Variants in EPOR observed in about 807,000 individuals in gnomAD.
EPOR encodes the protein erythropoietin receptor.
Under a neutral mutation model 34.3 loss-of-function variants are expected in EPOR, and 20 were observed. The ratio of observed to expected loss-of-function variants is 0.58; its 90% CI spans 0.41 to 0.85. EPOR has a LOEUF of 0.85. Ranked by LOEUF, EPOR falls within the 40% of genes least tolerant of loss-of-function variation. The pLI is 0.00. For synonymous variants in EPOR, 312 were observed against 299.0 expected, an observed-to-expected ratio of 1.04 and a Z score of -0.45; for missense variants, 601 against 672.7, an observed-to-expected ratio of 0.89 and a Z score of 1.18.
In EPOR at chr19:11,382,832, G is replaced by A. The variant is rs1378384930; in HGVS notation, c.251+265C>T. 8 of 1,459,310 alleles carry A rather than the reference G, an allele frequency of 5.5e-6. No individual in the cohort carries two copies. In the South Asian group the frequency reaches 6.2e-5, roughly 11 times the overall value. 90.4% of individuals were successfully genotyped at this position (1,459,310 alleles called of 1,614,324 possible). A position where few individuals can be genotyped will look rare whatever the true frequency, so the allele number is the denominator to read the frequency against. ...CTCGAGAAGGCGTCCCAGCCCCGAC[G>A]TAGTAACGCCTTACCCTCGATTTGG... On this transcript the variant is annotated intron_variant, in intron 2 of 7. Transcript: ENST00000222139.
Position 11,383,552 on chromosome 19 carries a change from G to A in EPOR, c.116-320C>T. 1 of 311,370 alleles carries A rather than the reference G, an allele frequency of 3.2e-6. No individual in the cohort carries two copies. The highest frequency in any genetic ancestry group is 4.8e-5 in the South Asian group (1 of 20,978). 19.3% of individuals were successfully genotyped at this position (311,370 alleles called of 1,614,324 possible). On this transcript the variant is annotated intron_variant, in intron 1 of 7. Coordinates refer to ENST00000222139, the MANE Select transcript of EPOR (RefSeq NM_000121.4). This position sits in a 1 kb window ranked among gnomAD's most constrained non-coding sequence, Gnocchi z 4.9. ...CGCCCCAGCCTAGGACACGCGCGCG[G>A]CTGGGGGTGTGTGCGGAGAGGCGGG...
intron 1 of EPOR, 41 bp downstream of exon 1, chr19:11,384,052 G>T: frequency 2.3e-6 from 3 of 1,332,198 alleles, no homozygotes; most frequent in Non-Finnish European, 3.2e-6. Flanking sequence ...GCATGGTCCT[G>T]CAGGCTCCAG....
At position 11,382,822 on chromosome 19, in the gene EPOR, C is replaced by T. The variant is rs935235225; in HGVS notation, c.251+275G>A. ...TGGATACTACCTCGAGAAGGCGTCC[C>T]AGCCCCGACGTAGTAACGCCTTACC... is the stretch of plus-strand genomic sequence containing the variant. On this transcript the variant is annotated intron_variant, in intron 2 of 7. Coordinates refer to ENST00000222139, the MANE Select transcript of EPOR (RefSeq NM_000121.4). 13 of 1,437,716 alleles carry T rather than the reference C, an allele frequency of 9.0e-6. No homozygotes were observed. The African/African-American group carries it at 1.8e-4, about 20-fold the overall frequency. 89.1% of individuals were successfully genotyped at this position (1,437,716 alleles called of 1,614,324 possible). A position where few individuals can be genotyped will look rare whatever the true frequency, so the allele number is the denominator to read the frequency against.
Position 11,380,868 on chromosome 19 carries a change from C to G in EPOR, c.827+16G>C. ...CGGGGAGGAGTCTGGGCCCAGCGCC[C>G]AAATGGGGAGCTCACCGGCGGTGGG... On this transcript the variant is annotated intron_variant, in intron 6 of 7. Transcript: ENST00000222139. The G allele has an allele frequency of 6.5e-7, 1 of 1,548,826 alleles. No homozygotes were observed.
At position 11,381,816 on chromosome 19, in the gene EPOR, C is replaced by A. The variant is rs749908751; in HGVS notation, c.461G>T (p.Arg154Leu). Residue 154 changes from arginine to leucine, a missense_variant, in exon 4 of 8, where the codon CGG becomes CTG. Transcript: ENST00000222139. This position sits in a 1 kb window ranked among gnomAD's most constrained non-coding sequence, Gnocchi z 5.3. The stretch of plus-strand genomic sequence containing the variant: ...TACGTGGCCGCTCTCGTCAGCCAAC[C>A]GCGCCACCAGCCCCACGGGGGCGTC... ...LLDAPVGLVA[R>L]LADESGHVVL... is the part of the protein sequence containing the mutation. The A allele has an allele frequency of 6.2e-7, 1 of 1,613,934 alleles. No individual in the cohort carries two copies. Among genetic ancestry groups the A allele is most frequent in the Non-Finnish European group, 8.5e-7 (1 of 1,179,896 alleles).
rs1388303224 is a variant in EPOR, at chr19:11,383,738, C to T, written c.115+355G>A. On this transcript the variant is annotated intron_variant, in intron 1 of 7. Coordinates refer to ENST00000222139, the MANE Select transcript of EPOR (RefSeq NM_000121.4). This position sits in a 1 kb window ranked among gnomAD's most constrained non-coding sequence, Gnocchi z 4.9. The stretch of plus-strand genomic sequence containing the variant: ...CCCTCTAACTCGGACCCGGGCTTTA[C>T]CCTCCCTCCCCTAGGGAGGGTCGGC... Among the ~76,000 whole-genome samples, 3 of 151,974 alleles carry T rather than the reference C, an allele frequency of 2.0e-5. No homozygotes were observed. Among genetic ancestry groups the T allele is most frequent in the Non-Finnish European group, 4.4e-5 (3 of 67,950 alleles).
chr19:11,381,828 C>T lies in EPOR; in HGVS notation c.449G>A (p.Gly150Glu). 6.2e-7 allele frequency: 1 copy of T among 1,614,004 alleles called. No homozygotes were observed. The highest frequency in any genetic ancestry group is 8.5e-7 in the Non-Finnish European group (1 of 1,179,930). ...CTCGTCAGCCAACCGCGCCACCAGCCCCACGGGGGCGTCTAGGAGCACTGC... is the reference window on the plus strand; with the variant it reads ...CTCGTCAGCCAACCGCGCCACCAGCTCCACGGGGGCGTCTAGGAGCACTGC... ...NEVVLLDAPVGLVARLADESG... is the reference protein window; with the variant it reads ...NEVVLLDAPVELVARLADESG... The change falls in exon 4 of 8, where the codon GGG becomes GAG. Residue 150 changes from glycine (G) to glutamate (E), a missense_variant. Coordinates refer to ENST00000222139, the MANE Select transcript of EPOR (RefSeq NM_000121.4). The surrounding 1 kb of genome is among the most constrained non-coding windows in gnomAD (Gnocchi z 5.3).
In EPOR at chr19:11,377,801, A is replaced by G; in HGVS notation, c.*183T>C. The G allele has an allele frequency of 1.3e-6, 1 of 775,648 alleles. No individual in the cohort carries two copies. The highest frequency in any genetic ancestry group is 1.7e-5 in the African/African-American group (1 of 58,764). 48.0% of individuals were successfully genotyped at this position (775,648 alleles called of 1,614,324 possible). ...TGTATATATATATATAGATACAAAA[A>G]AAAACTATACATATTTAAAAATACT... is the stretch of plus-strand genomic sequence containing the variant. On this transcript the variant is annotated 3_prime_UTR_variant, in exon 8 of 8. Coordinates refer to ENST00000222139, the MANE Select transcript of EPOR (RefSeq NM_000121.4).
rs2144693806 is a variant in EPOR, at chr19:11,378,143, G to A, written c.1368C>T (p.Tyr456=). 9 of 1,614,100 alleles carry A rather than the reference G, an allele frequency of 5.6e-6. No homozygotes were observed. The highest frequency in any genetic ancestry group is 7.6e-6 in the Non-Finnish European group (9 of 1,180,008). Residue 456 remains tyrosine (Y), a synonymous_variant, in exon 8 of 8, where the codon TAC becomes TAT. Coordinates refer to ENST00000222139, the MANE Select transcript of EPOR (RefSeq NM_000121.4). This position sits in a 1 kb window ranked among gnomAD's most constrained non-coding sequence, Gnocchi z 5.3. ...AGATGCCAGAGTCAGATACCACAAG[G>A]TACAGGTACTTTAGGTGGGGTGGGG... is the stretch of plus-strand genomic sequence containing the variant. ...PPTPPHLKYL[Y]LVVSDSGIST...
Position 11,378,772 on chromosome 19 carries a change from C to T in EPOR, c.834G>A (p.Leu278=). 1 of 1,614,156 alleles carries T rather than the reference C, an allele frequency of 6.2e-7. No individual in the cohort carries two copies. Among genetic ancestry groups the T allele is most frequent in the Non-Finnish European group, 8.5e-7 (1 of 1,180,028 alleles). ...VLALLSHRRA[L]KQKIWPGIPS... ...GGATGCCAGGCCAGATCTTCTGCTTCAGAGCCCTGTTGAAGCCAATATAAA... is the reference window on the plus strand; with the variant it reads ...GGATGCCAGGCCAGATCTTCTGCTTTAGAGCCCTGTTGAAGCCAATATAAA... The change falls in exon 7 of 8, where the codon CTG becomes CTA. Residue 278 remains leucine (L), a synonymous_variant. Coordinates refer to ENST00000222139, the MANE Select transcript of EPOR (RefSeq NM_000121.4). This position sits in a 1 kb window ranked among gnomAD's most constrained non-coding sequence, Gnocchi z 5.3.
In EPOR at chr19:11,383,217, G is replaced by T. The variant is rs1379718964; in HGVS notation, c.131C>A (p.Ala44Asp). ...KFESKAALLA[A>D]RGPEELLCFT... ...GCACAGAAGCTCTTCGGGCCCCCGG[G>T]CCGCCAGCAAGGCCGCTGGGGAGGG... The change falls in exon 2 of 8, where the codon GCC (alanine) becomes GAC (aspartate). Residue 44 changes from alanine (A) to aspartate (D), a missense_variant. By Grantham distance (126) the Ala-to-Asp change is moderately radical. Transcript: ENST00000222139. The surrounding 1 kb of genome is among the most constrained non-coding windows in gnomAD (Gnocchi z 4.9). 6.2e-7 allele frequency: 1 copy of T among 1,601,752 alleles called. No individual in the cohort carries two copies. The highest frequency in any genetic ancestry group is 1.1e-5 in the South Asian group (1 of 90,778).
At position 11,378,384 on chromosome 19, in the gene EPOR, A is replaced by T. The variant is rs192441411; in HGVS notation, c.1127T>A (p.Leu376Gln). 1 of 1,613,604 alleles carries T rather than the reference A, an allele frequency of 6.2e-7. No individual in the cohort carries two copies. The highest frequency in any genetic ancestry group is 1.3e-5 in the African/African-American group (1 of 75,030). ...DTYLVLDKWLLPRNPPSEDLP... is the reference protein window; with the variant it reads ...DTYLVLDKWLQPRNPPSEDLP... ...GTCCTCACTGGGCGGGTTCCGGGGC[A>T]GCAACCATTTGTCCAGCACCAGATA... Residue 376 changes from leucine (L) to glutamine (Q), a missense_variant, in exon 8 of 8, where the codon CTG becomes CAG. By Grantham distance (113) the Leu-to-Gln change is moderately radical. Transcript: ENST00000222139. The surrounding 1 kb of genome is among the most constrained non-coding windows in gnomAD (Gnocchi z 5.3).
At position 11,378,469 on chromosome 19, in the gene EPOR, C is replaced by CCGGCTCCACTGCCTGCAT. The variant is rs748825806; in HGVS notation, c.1024_1041dup (p.Met342_Pro347dup). 4.3e-6 allele frequency: 7 copies of CCGGCTCCACTGCCTGCAT among 1,614,186 alleles called. No homozygotes were observed. Among genetic ancestry groups the CCGGCTCCACTGCCTGCAT allele is most frequent in the Non-Finnish European group, 8.5e-7 (1 of 1,180,034 alleles). On this transcript the variant is annotated inframe_insertion, in exon 8 of 8. Transcript: ENST00000222139. The surrounding 1 kb of genome is among the most constrained non-coding windows in gnomAD (Gnocchi z 5.3). ...AGCAGGGGGCCCTCATCATCTGTCC[C>CCGGCTCCACTGCCTGCAT]CGGCTCCACTGCCTGCATCGTCCCC...
At position 11,378,598 on chromosome 19, in the gene EPOR, G is replaced by A. The variant is rs1431745315; in HGVS notation, c.916-3C>T. The A allele has an allele frequency of 1.2e-6, 2 of 1,614,180 alleles. No individual in the cohort carries two copies. The highest frequency in any genetic ancestry group is 1.7e-6 in the Non-Finnish European group (2 of 1,180,028). Reference sequence around the variant, plus strand: ...CCATCATTCTGGTACAGCCACAGCTGAAGAAATAGCACCAACCTGCTCAGA... The same window carrying A: ...CCATCATTCTGGTACAGCCACAGCTAAAGAAATAGCACCAACCTGCTCAGA... On this transcript the variant is annotated splice_polypyrimidine_tract_variant and splice_region_variant and intron_variant, in intron 7 of 7. Coordinates refer to ENST00000222139, the MANE Select transcript of EPOR (RefSeq NM_000121.4). This position sits in a 1 kb window ranked among gnomAD's most constrained non-coding sequence, Gnocchi z 5.3.
rs758222628 is a variant in EPOR at position 11,383,024 on chromosome 19, G to A, written c.251+73C>T. 5 of 1,608,396 alleles carry A rather than the reference G, an allele frequency of 3.1e-6. No individual in the cohort carries two copies. The highest frequency in any genetic ancestry group is 1.7e-5 in the Admixed American group (1 of 59,972). On this transcript the variant is annotated intron_variant, in intron 2 of 7. Transcript: ENST00000222139. The surrounding 1 kb of genome is among the most constrained non-coding windows in gnomAD (Gnocchi z 4.9). ...GCCTCAAACAGCAGGGGACATACGA[G>A]GCTACGACCTCCAGGGAGCTCTGCC...
rs756706572 is a variant in EPOR, at chr19:11,381,722, C to T, written c.555G>A (p.Ser185=). Residue 185 remains serine, a synonymous_variant, in exon 4 of 8, where the codon TCG becomes TCA. Transcript: ENST00000222139. The surrounding 1 kb of genome is among the most constrained non-coding windows in gnomAD (Gnocchi z 5.3). ...GTACGCTCCCTGCGCCGTTGCCGGC[C>T]GAGACGTCCACCTCGTAGCGGATGT... The part of the protein sequence containing the change: ...TSHIRYEVDV[S]AGNGAGSVQR... The T allele has an allele frequency of 9.3e-6, 15 of 1,611,144 alleles. No homozygotes were observed. The highest frequency in any genetic ancestry group is 1.1e-5 in the South Asian group (1 of 90,592).
At chr19:11,384,036 GC>G in intron 1 of EPOR, 56 bp downstream of exon 1, 2 of 1,190,104 alleles carry the variant, frequency 1.7e-6, no homozygotes, top group Non-Finnish European at 1.2e-6. Flanking sequence ...GGGAGTTCAG[GC>G]CCCAGCATGG....
At chr19:11,382,472 T>C (rs191728910) in intron 2 of EPOR, among the ~76,000 whole-genome samples, 1 of 151,468 alleles carries the variant, frequency 6.6e-6, no homozygotes, top group East Asian at 2.0e-4. Context: ...CAAGCGATTC[T>C]CCTGCCTCAG....
Position 11,383,290 on chromosome 19 carries a change from GC to G in EPOR, c.116-59del. 6.7e-7 allele frequency: 1 copy of G among 1,483,560 alleles called. No individual in the cohort carries two copies. The highest frequency in any genetic ancestry group is 9.0e-7 in the Non-Finnish European group (1 of 1,111,860). 91.9% of individuals were successfully genotyped at this position (1,483,560 alleles called of 1,614,324 possible). ...GTCTGAGCTCTATCCTCGGGAGACA[GC>G]CCCCTCCTCTTCCCTCCCGCAGCCT... On this transcript the variant is annotated intron_variant, in intron 1 of 7. Coordinates refer to ENST00000222139, the MANE Select transcript of EPOR (RefSeq NM_000121.4). This position sits in a 1 kb window ranked among gnomAD's most constrained non-coding sequence, Gnocchi z 4.9.
Sources: allele counts gnomAD v4.1 joint callset (sites outside exome capture counted in the v4.1 genomes callset), GRCh38; gene constraint gnomAD v4.1.1; non-coding constraint Gnocchi (gnomAD v3.1); transcripts MANE v1.5; gene names NCBI Gene and HGNC (gene_info 2026-07-23, HGNC 2026-07-21).